The following NDRG4 variants were observed in gnomAD, a reference collection of about 807,000 sequenced individuals.
The protein encoded by NDRG4 is protein NDRG4.
Under a neutral mutation model 55.8 loss-of-function variants are expected in NDRG4, and 38 were observed. The ratio of observed to expected loss-of-function variants is 0.68; its 90% CI spans 0.53 to 0.89. The LOEUF (loss-of-function observed/expected upper bound fraction) is 0.89. Among genes scored for constraint, NDRG4 ranks in the 40% least tolerant of loss-of-function variants. The pLI is 0.00. For missense variants in NDRG4, 455 were observed against 468.6 expected, an observed-to-expected ratio of 0.97 and a Z score of 0.27; for synonymous variants, 190 against 182.7, an observed-to-expected ratio of 1.04 and a Z score of -0.32.
rs1019233480 is a variant in NDRG4 at position 58,511,705 on chromosome 16, G to A, written c.*129G>A. On this transcript the variant is annotated 3_prime_UTR_variant, in exon 15 of 15. Coordinates refer to ENST00000570248, the MANE Select transcript of NDRG4 (RefSeq NM_001242835.2). ...ATGGGGTTCTGTTTGAAAAAAATGA[G>A]GGGATCTTAGATGCTGCAGCAGAAC... 1 of 1,125,200 alleles carries A rather than the reference G, an allele frequency of 8.9e-7. No individual in the cohort carries two copies. The highest frequency in any genetic ancestry group is 1.5e-5 in the African/African-American group (1 of 64,932). 69.7% of individuals were successfully genotyped at this position (1,125,200 alleles called of 1,614,324 possible).
upstream of NDRG4, among the ~76,000 whole-genome samples, chr16:58,496,323 C>T (rs1180412908): frequency 6.6e-6 from 1 of 152,044 alleles, no homozygotes; most frequent in East Asian, 1.9e-4. Context: ...TGTGTGGGAC[C>T]CCGGTTCTCA....
exon 2 of NDRG4, chr16:58,487,813 A>C: frequency 2.6e-6 from 4 of 1,543,260 alleles, no homozygotes; most frequent in Non-Finnish European, 3.5e-6. Flanking sequence ...TTCCCTGAGG[A>C]GAAGCCGCTG....
At chr16:58,475,390 A>C (rs1053510550) in intron 1 of NDRG4, among the ~76,000 whole-genome samples, 6 of 152,174 alleles carry the variant, frequency 3.9e-5, no homozygotes, top group Admixed American at 3.3e-4. Flanking sequence ...ATCATGGATT[A>C]TGCTGCCTGC....
intron 1 of NDRG4, among the ~76,000 whole-genome samples, chr16:58,466,494 A>G (rs1170877407): frequency 1.3e-5 from 2 of 152,216 alleles, no homozygotes; most frequent in Non-Finnish European, 2.9e-5. Context: ...TCTCCTGGAT[A>G]GAGGAGTCAG....
At chr16:58,504,875 C>A in intron 5 of NDRG4, 1 of 571,636 alleles carries the variant, frequency 1.7e-6, no homozygotes, top group Non-Finnish European at 3.1e-6. Flanking sequence ...TCTCAAGAGA[C>A]TAGAAACTAT....
chr16:58,505,462 A>G (rs892250516), intron 5 of NDRG4, among the ~76,000 whole-genome samples: 1 of 150,814 alleles, frequency 6.6e-6, no homozygotes, highest in African/African-American at 2.4e-5. Context: ...ATTTTTCACG[A>G]TCGAAGACAT....
In NDRG4 at chr16:58,504,260, G is replaced by C. The variant is rs374032396; in HGVS notation, c.234G>C (p.Ser78=). The change falls in exon 3 of 15, where the codon TCG becomes TCC. Residue 78 remains serine (S), a synonymous_variant. Transcript: ENST00000570248. ...CCCCTGGACAACAGGTGGGGGCGTC[G>C]CAGTTTCCTCAGGGGTAGGTACCCT... ...VDAPGQQVGA[S]QFPQGYQFPS... The C allele has an allele frequency of 5.6e-6, 9 of 1,614,120 alleles. No homozygotes were observed. Among genetic ancestry groups the C allele is most frequent in the Non-Finnish European group, 7.6e-6 (9 of 1,180,004 alleles).
chr16:58,477,471 A>G (rs928453150), intron 1 of NDRG4, among the ~76,000 whole-genome samples: 4 of 151,688 alleles, frequency 2.6e-5, no homozygotes, highest in Non-Finnish European at 4.4e-5. Context: ...GGAACTCCCA[A>G]TGGCCAAGCC....
intron 2 of NDRG4, among the ~76,000 whole-genome samples, chr16:58,490,173 G>A (rs930858104): frequency 6.6e-6 from 1 of 152,212 alleles, no homozygotes; most frequent in African/African-American, 2.4e-5. Context: ...TGAAAGCAGA[G>A]TTCTCCTGTG....
intron 8 of NDRG4, chr16:58,507,423 C>T (rs910617917): frequency 5.6e-6 from 2 of 358,874 alleles, no homozygotes; most frequent in Admixed American, 8.5e-5. Context: ...GTGGCCAGGC[C>T]CCCTCACTCA....
At chr16:58,486,333 T>C (rs984586280) in intron 1 of NDRG4, among the ~76,000 whole-genome samples, 1 of 151,968 alleles carries the variant, frequency 6.6e-6, no homozygotes, top group African/African-American at 2.4e-5. Flanking sequence ...AGCTACTTTA[T>C]TTTTTTCGTA....
chr16:58,468,935 T>C (rs2151552759), intron 1 of NDRG4, among the ~76,000 whole-genome samples: 1 of 152,294 alleles, frequency 6.6e-6, no homozygotes. Flanking sequence ...ACTCGAGCAA[T>C]ATGTTCCAAA....
intron 2 of NDRG4, chr16:58,494,840 A>AAAG: frequency 1.3e-6 from 1 of 791,230 alleles, no homozygotes. Context: ...TCTAAAAAAA[A>AAAG]AAAAAAAGAA....
intron 2 of NDRG4, chr16:58,494,956 TC>T: frequency 6.2e-7 from 1 of 1,613,216 alleles, no homozygotes; most frequent in Non-Finnish European, 8.5e-7. Flanking sequence ...CTGTTTGCCT[TC>T]CCCTAGGAGA....
At chr16:58,478,279 C>G (rs1018624548) in intron 1 of NDRG4, among the ~76,000 whole-genome samples, 5 of 151,860 alleles carry the variant, frequency 3.3e-5, no homozygotes, top group African/African-American at 1.2e-4. Flanking sequence ...ATCCCAGCTA[C>G]TTGGGAGGCT....
intron 1 of NDRG4, chr16:58,503,556 CAG>C (rs998591386): frequency 5.3e-6 from 4 of 750,726 alleles, no homozygotes; most frequent in Admixed American, 2.1e-5. Context: ...GGCTGGTTTG[CAG>C]AGAGGACCAG....
chr16:58,500,254 G>A lies in NDRG4; in HGVS notation c.6G>A (p.Pro2=), dbSNP rs1350985580. 2.6e-6 allele frequency: 4 copies of A among 1,535,902 alleles called. No individual in the cohort carries two copies. Among genetic ancestry groups the A allele is most frequent in the Admixed American group, 2.0e-5 (1 of 50,972 alleles). The change falls in exon 1 of 15, where the codon CCG becomes CCA. Residue 2 remains proline (P), a synonymous_variant. Coordinates refer to ENST00000570248, the MANE Select transcript of NDRG4 (RefSeq NM_001242835.2). The part of the protein sequence containing the change: M[P]ECWDGEHDIE... ...GGGTTCCCTCCCTCGGCAAGATGCCGGAGTGCTGGGATGGGGTGAGTGAGG... is the reference window on the plus strand; with the variant it reads ...GGGTTCCCTCCCTCGGCAAGATGCCAGAGTGCTGGGATGGGGTGAGTGAGG...
chr16:58,465,647 C>T (rs2031486652), intron 1 of NDRG4, among the ~76,000 whole-genome samples: 2 of 152,012 alleles, frequency 1.3e-5, no homozygotes, highest in Admixed American at 1.3e-4. Context: ...GCCTGTAATC[C>T]CAGCACTTTG....
chr16:58,485,555 G>A (rs529665977), intron 1 of NDRG4, among the ~76,000 whole-genome samples: 4 of 152,246 alleles, frequency 2.6e-5, no homozygotes, highest in East Asian at 1.9e-4. Context: ...GTCCTGATGC[G>A]GAAGAGTTTT....
Sources: gnomAD v4.1 joint callset for allele counts (sites outside exome capture counted in the v4.1 genomes callset) on GRCh38, gnomAD v4.1.1 for gene constraint, MANE v1.5 for transcripts, NCBI Gene and HGNC (gene_info 2026-07-23, HGNC 2026-07-21) for gene names.